Variants in KCNQ1 observed in about 807,000 individuals in gnomAD.
KCNQ1 encodes the protein potassium voltage-gated channel subfamily KQT member 1.
Under a neutral mutation model 72.4 loss-of-function variants are expected in KCNQ1, and 49 were observed. The observed-to-expected ratio is 0.68, with a 90% CI of 0.54 to 0.86. The LOEUF (loss-of-function observed/expected upper bound fraction) is 0.86. Ranked by LOEUF, KCNQ1 falls within the 40% of genes least tolerant of loss-of-function variation. The pLI, the probability that KCNQ1 is intolerant of heterozygous loss-of-function variation, is 0.00. For missense variants in KCNQ1, 790 were observed against 945.1 expected (o/e 0.84, Z 2.15); for synonymous variants, 450 against 412.6 (o/e 1.09, Z -1.10).
chr11:2,698,557 C>G lies in KCNQ1; in HGVS notation c.1514+36476C>G. The G allele has an allele frequency of 1.3e-5, 5 of 398,552 alleles. No homozygotes were observed. Among genetic ancestry groups the G allele is most frequent in the Non-Finnish European group, 2.2e-5 (5 of 226,090 alleles). 24.7% of individuals were successfully genotyped at this position (398,552 alleles called of 1,614,324 possible). ...CAGACTGCAACCTTTACTTCGCCCC[C>G]TAATTCCTGACTCAGAATCCCCACC... is the stretch of plus-strand genomic sequence containing the variant. On this transcript the variant is annotated intron_variant, in intron 11 of 15. Transcript: ENST00000155840. The surrounding 1 kb of genome is among the most constrained non-coding windows in gnomAD (Gnocchi z 5.1).
chr11:2,634,258 G>C (rs1217847908), intron 10 of KCNQ1: 1 of 380,286 alleles, frequency 2.6e-6, no homozygotes, highest in African/African-American at 2.1e-5. Context: ...CCATGTTGGT[G>C]TGCTGCACTG....
chr11:2,806,886 C>T (rs1357900276), intron 15 of KCNQ1, among the ~76,000 whole-genome samples: 3 of 152,136 alleles, frequency 2.0e-5, no homozygotes, highest in Non-Finnish European at 4.4e-5. Flanking sequence ...TCTGCTTCTC[C>T]ACTCTCAGGC....
At position 2,695,693 on chromosome 11, in the gene KCNQ1, C is replaced by T. The variant is rs549237737; in HGVS notation, c.1514+33612C>T. The stretch of plus-strand genomic sequence containing the variant: ...AGAAGTGTTGGCCAGCTCTTCAGAA[C>T]GTCTGTGCCTGTCTCCGTCCCCACC... On this transcript the variant is annotated intron_variant, in intron 11 of 15. Coordinates refer to ENST00000155840, the MANE Select transcript of KCNQ1 (RefSeq NM_000218.3). This position sits in a 1 kb window ranked among gnomAD's most constrained non-coding sequence, Gnocchi z 5.2. 6 of 398,530 alleles carry T rather than the reference C, an allele frequency of 1.5e-5. No homozygotes were observed. The highest frequency in any genetic ancestry group is 6.2e-5 in the African/African-American group (3 of 48,630). The allele number at this position is 398,530 out of a possible 1,614,324, so 24.7% of individuals were successfully genotyped here.
chr11:2,820,693 T>C (rs1847713437), intron 15 of KCNQ1, among the ~76,000 whole-genome samples: 1 of 152,232 alleles, frequency 6.6e-6, no homozygotes, highest in African/African-American at 2.4e-5. Flanking sequence ...CATTTGTTTT[T>C]CCTGCCCCAT....
At position 2,654,197 on chromosome 11, in the gene KCNQ1, A is replaced by G. The variant is rs889516445; in HGVS notation, c.1394-7764A>G. On this transcript the variant is annotated intron_variant, in intron 10 of 15. Transcript: ENST00000155840. The surrounding 1 kb of genome is among the most constrained non-coding windows in gnomAD (Gnocchi z 6.4). Reference sequence around the variant, plus strand: ...CAGGCTGTGGGGCTGCGGCTCAGCAATGTCACGCAGGGCCTGGCTGCAGCT... The same window carrying G: ...CAGGCTGTGGGGCTGCGGCTCAGCAGTGTCACGCAGGGCCTGGCTGCAGCT... 5.0e-6 allele frequency: 2 copies of G among 398,698 alleles called. No individual in the cohort carries two copies. The highest frequency in any genetic ancestry group is 6.3e-4 in the Middle Eastern group (1 of 1,588). The allele number at this position is 398,698 out of a possible 1,614,324, so 24.7% of individuals were successfully genotyped here.
chr11:2,560,833 G>A (rs1263455899), intron 2 of KCNQ1, among the ~76,000 whole-genome samples: 6 of 152,116 alleles, frequency 3.9e-5, no homozygotes, highest in African/African-American at 7.2e-5. Context: ...GAGGACAGAC[G>A]TGGAGGAAAG....
chr11:2,685,256 G>C, intron 11 of KCNQ1: 1 of 398,688 alleles, frequency 2.5e-6, no homozygotes, highest in Non-Finnish European at 4.4e-6. Flanking sequence ...CCAAACTCCA[G>C]GGCACACGTG....
At chr11:2,797,296 C>T (rs1847157573) in intron 15 of KCNQ1, among the ~76,000 whole-genome samples, 1 of 152,190 alleles carries the variant, frequency 6.6e-6, no homozygotes, top group Non-Finnish European at 1.5e-5. Context: ...CGGGCCCCAA[C>T]CTGCCTGCAG....
intron 11 of KCNQ1, chr11:2,667,116 G>A: frequency 2.5e-6 from 1 of 398,680 alleles, no homozygotes; most frequent in Non-Finnish European, 4.4e-6. Context: ...GAGGCGTAAT[G>A]GCTCAGTGGG....
At position 2,781,879 on chromosome 11, in the gene KCNQ1, T is replaced by G. The variant is rs1846829557; in HGVS notation, c.1794+3842T>G. On this transcript the variant is annotated intron_variant, in intron 15 of 15. Coordinates refer to ENST00000155840, the MANE Select transcript of KCNQ1 (RefSeq NM_000218.3). The surrounding 1 kb of genome is among the most constrained non-coding windows in gnomAD (Gnocchi z 6.6). ...TGGGCGGGAAGGGGCCCCCACCACCTGACACTCCTTTCACTGCCTCCGGTC... is the reference window on the plus strand; with the variant it reads ...TGGGCGGGAAGGGGCCCCCACCACCGGACACTCCTTTCACTGCCTCCGGTC... Among the ~76,000 whole-genome samples, 2 of 152,138 alleles carry G rather than the reference T, an allele frequency of 1.3e-5. No homozygotes were observed. The highest frequency in any genetic ancestry group is 1.3e-4 in the Admixed American group (2 of 15,280).
intron 1 of KCNQ1, among the ~76,000 whole-genome samples, chr11:2,511,989 C>T (rs1484604992): frequency 1.3e-5 from 2 of 152,216 alleles, no homozygotes; most frequent in African/African-American, 4.8e-5. Flanking sequence ...GCATTTGTCT[C>T]GGGCCAGCTG....
At chr11:2,540,034 A>C (rs1031065134) in intron 2 of KCNQ1, among the ~76,000 whole-genome samples, 2 of 152,146 alleles carry the variant, frequency 1.3e-5, no homozygotes, top group Admixed American at 1.3e-4. Flanking sequence ...TGGCACTGGC[A>C]CTGCACGTGG....
At position 2,649,318 on chromosome 11, in the gene KCNQ1, T is replaced by G. The variant is rs1480273736; in HGVS notation, c.1394-12643T>G. On this transcript the variant is annotated intron_variant, in intron 10 of 15. Transcript: ENST00000155840. ...TTGTTTTTCTTTGCAATTTTTTGGT[T>G]TTCTGTAGTGATAATCTTTTATTCC... The G allele has an allele frequency of 7.5e-6, 3 of 398,386 alleles. No homozygotes were observed. In the East Asian group the frequency reaches 1.1e-4, roughly 14 times the overall value. The allele number at this position is 398,386 out of a possible 1,614,324, so 24.7% of individuals were successfully genotyped here. A position where few individuals can be genotyped will look rare whatever the true frequency, so the allele number is the denominator to read the frequency against.
intron 11 of KCNQ1, among the ~76,000 whole-genome samples, chr11:2,736,115 A>C (rs1243483202): frequency 6.6e-6 from 1 of 152,098 alleles, no homozygotes; most frequent in East Asian, 1.9e-4. Context: ...TAGATGCCAG[A>C]GGGGGCTCAT....
At chr11:2,832,591 G>A (rs234861) in intron 15 of KCNQ1, among the ~76,000 whole-genome samples, 118,331 of 152,174 alleles carry the variant, frequency 0.78, 46,621 homozygotes, top group East Asian at 0.96. Flanking sequence ...CAGGCAAAGC[G>A]CCAAGCACCC....
chr11:2,572,904 T>C lies in KCNQ1; in HGVS notation c.839T>C (p.Val280Ala). The part of the protein sequence containing the change: ...FLGLIFSSYF[V>A]YLAEKDAVNE... ...GGCCTCATCTTCTCCTCGTACTTTG[T>C]GTACCTGGCTGAGAAGGACGCGGTG... The change falls in exon 6 of 16, where the codon GTG becomes GCG. Residue 280 changes from valine (V) to alanine (A), a missense_variant. Val to Ala is a moderately conservative substitution (Grantham distance 64). Coordinates refer to ENST00000155840, the MANE Select transcript of KCNQ1 (RefSeq NM_000218.3). 1 of 1,613,850 alleles carries C rather than the reference T, an allele frequency of 6.2e-7. No individual in the cohort carries two copies. The highest frequency in any genetic ancestry group is 8.5e-7 in the Non-Finnish European group (1 of 1,180,032).
rs148518819 is a variant in KCNQ1 at position 2,767,350 on chromosome 11, C to T, written c.1515-1494C>T. 3.4e-4 allele frequency among the ~76,000 whole-genome samples: 51 copies of T among 152,212 alleles called. No individual in the cohort carries two copies. In the East Asian group the frequency reaches 4.4e-3, roughly 13 times the overall value. On this transcript the variant is annotated intron_variant, in intron 11 of 15. Coordinates refer to ENST00000155840, the MANE Select transcript of KCNQ1 (RefSeq NM_000218.3). The surrounding 1 kb of genome is among the most constrained non-coding windows in gnomAD (Gnocchi z 4.6). Reference sequence around the variant, plus strand: ...TTCCAAAAGGACATGAATTATATACCGTGTACATTCCCCAGTACTCTTTCA... The same window carrying T: ...TTCCAAAAGGACATGAATTATATACTGTGTACATTCCCCAGTACTCTTTCA...
Position 2,703,488 on chromosome 11 carries a change from A to AGCAC in KCNQ1, c.1514+41416_1514+41419dup, listed in dbSNP as rs1479032205. On this transcript the variant is annotated intron_variant, in intron 11 of 15. Transcript: ENST00000155840. This position sits in a 1 kb window ranked among gnomAD's most constrained non-coding sequence, Gnocchi z 6.4. ...TCCCTTGCAAGCCTGTGCACCCGAG[A>AGCAC]GCACGCACGCACACACGCACTCACA... is the stretch of plus-strand genomic sequence containing the variant. Among the ~76,000 whole-genome samples, 3 of 152,190 alleles carry AGCAC rather than the reference A, an allele frequency of 2.0e-5. No individual in the cohort carries two copies. Among genetic ancestry groups the AGCAC allele is most frequent in the Non-Finnish European group, 4.4e-5 (3 of 68,042 alleles).
rs1420847717 is a variant in KCNQ1 at position 2,661,268 on chromosome 11, A to T, written c.1394-693A>T. The T allele has an allele frequency of 2.5e-6, 1 of 399,114 alleles. No individual in the cohort carries two copies. Among genetic ancestry groups the T allele is most frequent in the Admixed American group, 4.4e-5 (1 of 22,804 alleles). The allele number at this position is 399,114 out of a possible 1,614,324, so 24.7% of individuals were successfully genotyped here. ...GCAATAAAATATTTAAATGAAGACA[A>T]ATATAAGCCAAGAGCAAATACTGAT... On this transcript the variant is annotated intron_variant, in intron 10 of 15. Coordinates refer to ENST00000155840, the MANE Select transcript of KCNQ1 (RefSeq NM_000218.3). This position sits in a 1 kb window ranked among gnomAD's most constrained non-coding sequence, Gnocchi z 5.9.
Sources: allele counts gnomAD v4.1 joint callset (sites outside exome capture counted in the v4.1 genomes callset), GRCh38; gene constraint gnomAD v4.1.1; non-coding constraint Gnocchi (gnomAD v3.1); transcripts MANE v1.5; gene names NCBI Gene and HGNC (gene_info 2026-07-23, HGNC 2026-07-21).